Variants in IGSF21 observed in about 807,000 individuals in gnomAD.
IGSF21 encodes immunoglobin superfamily member 21.
IGSF21 carries 28 observed loss-of-function variants against 46.8 expected under a neutral mutation model. The ratio of observed to expected loss-of-function variants is 0.60; its 90% CI spans 0.44 to 0.82. IGSF21 has a LOEUF of 0.82. Among genes scored for constraint, IGSF21 ranks in the 40% least tolerant of loss-of-function variants. IGSF21 has a pLI of 0.00. For synonymous variants in IGSF21, 284 were observed against 273.6 expected (o/e 1.04, Z -0.38); for missense variants, 624 against 665.5 (o/e 0.94, Z 0.69).
intron 2 of IGSF21, among the ~76,000 whole-genome samples, chr1:18,284,343 A>G (rs2085192039): frequency 6.6e-6 from 1 of 152,170 alleles, no homozygotes; most frequent in African/African-American, 2.4e-5. Context: ...CACATTGAGC[A>G]TGTACTACGT....
At chr1:18,270,061 C>A (rs887885950) in intron 2 of IGSF21, among the ~76,000 whole-genome samples, 6 of 152,186 alleles carry the variant, frequency 3.9e-5, no homozygotes, top group African/African-American at 1.4e-4. Flanking sequence ...GGACCCCGGG[C>A]CCCAAGGCAG....
At chr1:18,336,732 C>T (rs952399316) in intron 4 of IGSF21, among the ~76,000 whole-genome samples, 2 of 152,206 alleles carry the variant, frequency 1.3e-5, no homozygotes, top group African/African-American at 4.8e-5. Flanking sequence ...TCAATTTCCC[C>T]CATCTGTACT....
Position 18,225,085 on chromosome 1 carries a change from T to TCTCTCTCTCTCACACACACACACA in IGSF21, c.71-2812_71-2811insTCTCTCTCTCACACACACACACAC. Reference sequence around the variant, plus strand: ...GTATCTCTCTCTCTCTCTCTCTCTCTCACACACACACACACACACACACAC... The same window carrying TCTCTCTCTCTCACACACACACACA: ...GTATCTCTCTCTCTCTCTCTCTCTCTCTCTCTCTCTCACACACACACACACACACACACACACACACACACACAC... On this transcript the variant is annotated intron_variant, in intron 1 of 9. Transcript: ENST00000251296. Among the ~76,000 whole-genome samples the TCTCTCTCTCTCACACACACACACA allele has an allele frequency of 9.5e-4, 49 of 51,540 alleles. No homozygotes were observed. The East Asian group carries it at 0.011, about 12-fold the overall frequency. 33.8% of individuals were successfully genotyped at this position (51,540 alleles called of 152,430 possible). A position where few individuals can be genotyped will look rare whatever the true frequency, so the allele number is the denominator to read the frequency against.
At chr1:18,257,050 G>T (rs943486672) in intron 2 of IGSF21, among the ~76,000 whole-genome samples, 1 of 152,170 alleles carries the variant, frequency 6.6e-6, no homozygotes, top group African/African-American at 2.4e-5. Context: ...TTTCTTGAAA[G>T]CTGATTTTCT....
At chr1:18,164,660 G>A (rs1411900324) in intron 1 of IGSF21, among the ~76,000 whole-genome samples, 1 of 151,852 alleles carries the variant, frequency 6.6e-6, no homozygotes, top group Admixed American at 6.6e-5. Context: ...TGGGCAATTT[G>A]TATTTCTTTC....
chr1:18,378,218 T>G (rs765461634), intron 9 of IGSF21, 38 bp from the exon 10 acceptor site: 51 of 1,577,078 alleles, frequency 3.2e-5, no homozygotes, highest in Admixed American at 2.2e-4. Context: ...CGGGGTTGGG[T>G]CTGCAGGCTC....
In IGSF21 at chr1:18,337,102, C is replaced by T. The variant is rs886660415; in HGVS notation, c.424+2092C>T. 2.0e-5 allele frequency among the ~76,000 whole-genome samples: 3 copies of T among 152,152 alleles called. No homozygotes were observed. Among genetic ancestry groups the T allele is most frequent in the Non-Finnish European group, 2.9e-5 (2 of 68,020 alleles). ...GACACAGCCAAACCATATCATGTAT[C>T]ATCAGAGGGTTGACCAGACCATCCT... is the stretch of plus-strand genomic sequence containing the variant. On this transcript the variant is annotated intron_variant, in intron 4 of 9. Transcript: ENST00000251296. This position sits in a 1 kb window ranked among gnomAD's most constrained non-coding sequence, Gnocchi z 5.7.
intron 1 of IGSF21, among the ~76,000 whole-genome samples, chr1:18,181,880 A>G (rs1285859832): frequency 6.6e-6 from 1 of 152,052 alleles, no homozygotes; most frequent in East Asian, 1.9e-4. Flanking sequence ...ACTGAGAGGG[A>G]CGGCGGGCTG....
Position 18,365,238 on chromosome 1 carries a change from G to A in IGSF21, c.556G>A (p.Asp186Asn), listed in dbSNP as rs778438523. The stretch of plus-strand genomic sequence containing the variant: ...ACAATGGCAGGTTTATTTCAAACGA[G>A]ATGGGGAACCAATCGACGCAGTGCC... ...KPAPMVYFKRDGEPIDAVPLS... is the reference protein window; with the variant it reads ...KPAPMVYFKRNGEPIDAVPLS... The change falls in exon 6 of 10, where the codon GAT becomes AAT. Residue 186 changes from aspartate (D) to asparagine (N), a missense_variant. By Grantham distance (23) the Asp-to-Asn change is conservative. Coordinates refer to ENST00000251296, the MANE Select transcript of IGSF21 (RefSeq NM_032880.5). The surrounding 1 kb of genome is among the most constrained non-coding windows in gnomAD (Gnocchi z 4.8). 13 of 1,601,952 alleles carry A rather than the reference G, an allele frequency of 8.1e-6. No homozygotes were observed. In the Admixed American group the frequency reaches 1.2e-4, roughly 15 times the overall value.
intron 1 of IGSF21, among the ~76,000 whole-genome samples, chr1:18,137,943 G>A (rs1428821675): frequency 6.6e-6 from 1 of 152,110 alleles, no homozygotes; most frequent in African/African-American, 2.4e-5. Flanking sequence ...GCTGACTCAA[G>A]GCCACACAGC....
Position 18,376,811 on chromosome 1 carries a change from C to T in IGSF21, c.1113C>T (p.Phe371=), listed in dbSNP as rs776736982. 7 of 1,593,234 alleles carry T rather than the reference C, an allele frequency of 4.4e-6. No individual in the cohort carries two copies. In the South Asian group the frequency reaches 7.9e-5, roughly 18 times the overall value. ...ILVHGFQNEV[F]PEPMFTWTRV... ...GATCTGGCCAACAGAACGAAGTCTT[C>T]CCGGAGCCCATGTTCACGTGGACGC... Residue 371 remains phenylalanine (F), a synonymous_variant, in exon 8 of 10, where the codon TTC becomes TTT. Transcript: ENST00000251296.
At chr1:18,359,367 AAAG>A (rs1372636733) in intron 4 of IGSF21, among the ~76,000 whole-genome samples, 6 of 97,318 alleles carry the variant, frequency 6.2e-5, no homozygotes, top group African/African-American at 1.8e-4. Flanking sequence ...AGAAAGAAAG[AAAG>A]AAAGAAAGAA....
At chr1:18,188,308 A>C (rs2086923437) in intron 1 of IGSF21, among the ~76,000 whole-genome samples, 1 of 152,190 alleles carries the variant, frequency 6.6e-6, no homozygotes, top group Non-Finnish European at 1.5e-5. Flanking sequence ...CAAGCCATGA[A>C]ATATAACCAT....
intron 2 of IGSF21, among the ~76,000 whole-genome samples, chr1:18,256,300 G>A (rs956655416): frequency 4.6e-5 from 7 of 152,190 alleles, no homozygotes; most frequent in Non-Finnish European, 2.9e-5. Flanking sequence ...CACTGCAATG[G>A]TTCCCTGTGA....
At chr1:18,378,017 C>A (rs1242236822) in intron 9 of IGSF21, among the ~76,000 whole-genome samples, 1 of 152,198 alleles carries the variant, frequency 6.6e-6, no homozygotes, top group Non-Finnish European at 1.5e-5. Flanking sequence ...GAGGCTCCCA[C>A]TCTTGGTCCT....
intron 3 of IGSF21, among the ~76,000 whole-genome samples, chr1:18,305,588 T>G (rs1182839741): frequency 6.7e-6 from 1 of 149,168 alleles, no homozygotes; most frequent in African/African-American, 2.4e-5. Context: ...TATGGATGGA[T>G]GGATGGATGA....
chr1:18,325,441 C>T (rs975375507), intron 3 of IGSF21, among the ~76,000 whole-genome samples: 10 of 152,022 alleles, frequency 6.6e-5, no homozygotes, highest in South Asian at 2.1e-4. Context: ...CCTGAGTCTT[C>T]GAGCGGGCTT....
chr1:18,343,576 G>C (rs188209110), intron 4 of IGSF21, among the ~76,000 whole-genome samples: 5 of 152,226 alleles, frequency 3.3e-5, no homozygotes, highest in African/African-American at 7.2e-5. Context: ...TATAGTTTTA[G>C]CTCTTACAGT....
At chr1:18,180,784 C>T (rs2086849887) in intron 1 of IGSF21, among the ~76,000 whole-genome samples, 1 of 152,182 alleles carries the variant, frequency 6.6e-6, no homozygotes, top group South Asian at 2.1e-4. Context: ...CTTATACAAC[C>T]TTGATGAGTT....
Sources: gnomAD v4.1 joint callset for allele counts (sites outside exome capture counted in the v4.1 genomes callset) on GRCh38, gnomAD v4.1.1 for gene constraint, Gnocchi (gnomAD v3.1) non-coding constraint, MANE v1.5 for transcripts, NCBI Gene and HGNC (gene_info 2026-07-23, HGNC 2026-07-21) for gene names.